The following IGSF10 variants were observed in gnomAD, a reference collection of about 807,000 sequenced individuals.
The protein encoded by IGSF10 is immunoglobulin superfamily member 10.
IGSF10 carries 126 observed loss-of-function variants against 128.2 expected under a neutral mutation model. That is an observed-to-expected ratio of 0.98 (90% CI 0.85 to 1.14). The LOEUF is 1.14. IGSF10 is among the 50% of genes most tolerant of loss of function. IGSF10 has a pLI of 0.00. For synonymous variants in IGSF10, 1,185 were observed against 1,146.2 expected (o/e 1.03, Z -0.68); for missense variants, 3,295 against 3,149.8 (o/e 1.05, Z -1.10).
At chr3:151,613,187 T>C in the IGSF10 span, among the ~76,000 whole-genome samples, 1 of 151,974 alleles carries the variant, frequency 6.6e-6, no homozygotes, top group Admixed American at 6.6e-5. Flanking sequence ...AATGAACAAA[T>C]GGAAGAACAT....
intron 3 of IGSF10, among the ~76,000 whole-genome samples, chr3:151,457,853 G>A (rs750681944): frequency 5.9e-5 from 9 of 152,010 alleles, no homozygotes; most frequent in Non-Finnish European, 1.2e-4. Context: ...TGTACTGACC[G>A]TACATTTGTC....
At chr3:151,562,281 T>C in the IGSF10 span, among the ~76,000 whole-genome samples, 5 of 152,230 alleles carry the variant, frequency 3.3e-5, no homozygotes, top group Admixed American at 6.6e-5. Flanking sequence ...AGTTACCATA[T>C]ATGGTCTAAA....
At chr3:151,607,458 G>C in the IGSF10 span, among the ~76,000 whole-genome samples, 1 of 152,036 alleles carries the variant, frequency 6.6e-6, no homozygotes, top group African/African-American at 2.4e-5. Flanking sequence ...GCGTTTAAAT[G>C]ATAAATTCTA....
At chr3:151,510,290 G>A in the IGSF10 span, among the ~76,000 whole-genome samples, 10 of 152,134 alleles carry the variant, frequency 6.6e-5, no homozygotes, top group African/African-American at 1.4e-4. Context: ...CCAGAGGAAC[G>A]ATCAGGCAGC....
chr3:151,453,900 C>A, intron 4 of IGSF10, 126 bp from the exon 5 acceptor site: 1 of 548,506 alleles, frequency 1.8e-6, no homozygotes, highest in South Asian at 3.3e-5. Flanking sequence ...TCTTAGGATC[C>A]CAATTCAATC....
At chr3:151,546,593 A>G in the IGSF10 span, among the ~76,000 whole-genome samples, 1 of 151,256 alleles carries the variant, frequency 6.6e-6, no homozygotes, top group African/African-American at 2.4e-5. Context: ...CTGAGCTCAA[A>G]TCCCTCCTTG....
the IGSF10 span, among the ~76,000 whole-genome samples, chr3:151,486,167 A>T: frequency 6.6e-6 from 1 of 152,184 alleles, no homozygotes; most frequent in Non-Finnish European, 1.5e-5. Flanking sequence ...AGGGGTTGCA[A>T]TCCTAGTATC....
the IGSF10 span, among the ~76,000 whole-genome samples, chr3:151,589,088 C>T: frequency 2.6e-5 from 4 of 152,100 alleles, no homozygotes; most frequent in Non-Finnish European, 4.4e-5. Context: ...TAAATTAACA[C>T]ATTTTCTTTG....
upstream of IGSF10, among the ~76,000 whole-genome samples, chr3:151,464,308 C>A (rs1478023268): frequency 6.6e-6 from 1 of 152,170 alleles, no homozygotes; most frequent in Non-Finnish European, 1.5e-5. Flanking sequence ...GGTAAATTCT[C>A]AGGCTTTGTA....
At chr3:151,564,417 C>T in the IGSF10 span, among the ~76,000 whole-genome samples, 3 of 152,072 alleles carry the variant, frequency 2.0e-5, no homozygotes, top group Non-Finnish European at 4.4e-5. Context: ...TTATTTCCTT[C>T]CTTCCTTCCT....
chr3:151,495,483 G>T, the IGSF10 span, among the ~76,000 whole-genome samples: 1 of 151,798 alleles, frequency 6.6e-6, no homozygotes, highest in Non-Finnish European at 1.5e-5. Flanking sequence ...GTAGAATTTG[G>T]GCTAAAACAC....
upstream of IGSF10, among the ~76,000 whole-genome samples, chr3:151,463,550 T>TTG (rs1722162923): frequency 9.0e-6 from 1 of 111,242 alleles, no homozygotes; most frequent in Non-Finnish European, 1.8e-5. Flanking sequence ...TTTTTTTTTT[T>TTG]TTTTTTTTTT....
At chr3:151,443,975 A>T in intron 6 of IGSF10, 91 bp from the exon 7 acceptor site, 1 of 1,013,748 alleles carries the variant, frequency 9.9e-7, no homozygotes, top group Non-Finnish European at 1.4e-6. Flanking sequence ...CTAAGAATAC[A>T]TTTAAATTAA....
the IGSF10 span, among the ~76,000 whole-genome samples, chr3:151,572,564 A>G: frequency 3.7e-3 from 564 of 152,154 alleles, 4 homozygotes; most frequent in Admixed American, 5.8e-3. Flanking sequence ...ATCAGTGGTG[A>G]TATCCCCTTT....
the IGSF10 span, among the ~76,000 whole-genome samples, chr3:151,470,921 C>T: frequency 0.025 from 3,753 of 152,268 alleles, 103 homozygotes; most frequent in East Asian, 0.063. Context: ...TCCTTCTAAT[C>T]TTCATCTAAA....
At chr3:151,432,809 G>T (rs759963667), downstream of IGSF10, 11 of 1,610,948 alleles carry the variant, frequency 6.8e-6, no homozygotes, top group African/African-American at 1.3e-5. Context: ...TTCTGAATCT[G>T]CAAGAGGAGA....
chr3:151,493,056 T>C, the IGSF10 span, among the ~76,000 whole-genome samples: 2 of 151,960 alleles, frequency 1.3e-5, no homozygotes, highest in African/African-American at 2.4e-5. Flanking sequence ...CTAAGTAAAA[T>C]GACCCAGGAA....
At chr3:151,451,759 A>G (rs1721520632) in intron 5 of IGSF10, among the ~76,000 whole-genome samples, 1 of 152,246 alleles carries the variant, frequency 6.6e-6, no homozygotes, top group African/African-American at 2.4e-5. Flanking sequence ...AAATGTTTCA[A>G]TTAAGATTAC....
Position 151,447,100 on chromosome 3 carries a change from C to T in IGSF10, c.2881G>A (p.Val961Met), listed in dbSNP as rs1366670542. The T allele has an allele frequency of 1.2e-6, 2 of 1,614,092 alleles. No individual in the cohort carries two copies. The highest frequency in any genetic ancestry group is 1.7e-5 in the Admixed American group (1 of 60,004). The part of the protein sequence containing the change: ...TNSHQTSVRE[V>M]SEPRHNHFYS... ...AAGTGATTGTGCCTGGGTTCACTCA[C>T]TTCTCTTACAGATGTCTGATGACTA... The change falls in exon 6 of 8, where the codon GTG becomes ATG. Residue 961 changes from valine to methionine, a missense_variant. Transcript: ENST00000282466.
Sources: gnomAD v4.1 joint callset for allele counts (sites outside exome capture counted in the v4.1 genomes callset) on GRCh38, gnomAD v4.1.1 for gene constraint, MANE v1.5 for transcripts, NCBI Gene and HGNC (gene_info 2026-07-23, HGNC 2026-07-21) for gene names.